The following SVIL variants were observed in gnomAD, a reference collection of about 807,000 sequenced individuals.
SVIL encodes the protein supervillin, also known as archvillin.
SVIL carries 101 observed loss-of-function variants against 240.4 expected under a neutral mutation model. That is an observed-to-expected ratio of 0.42 (90% confidence interval 0.36 to 0.50). SVIL has a LOEUF of 0.50. SVIL is among the 20% of genes least tolerant of loss of function. SVIL has a pLI of 0.01. For missense variants in SVIL, 2,512 were observed against 2,818.7 expected, an observed-to-expected ratio of 0.89 and a Z score of 2.46; for synonymous variants, 999 against 1,100.0, an observed-to-expected ratio of 0.91 and a Z score of 1.82.
At chr10:29,618,790 G>C (rs1314490835) in intron 1 of SVIL, among the ~76,000 whole-genome samples, 1 of 151,694 alleles carries the variant, frequency 6.6e-6, no homozygotes, top group Admixed American at 6.6e-5. Flanking sequence ...CGCAATCAGA[G>C]CTCACTGTAG....
chr10:29,588,080 C>CG (rs1390040142), intron 1 of SVIL, among the ~76,000 whole-genome samples: 2 of 151,808 alleles, frequency 1.3e-5, no homozygotes, highest in African/African-American at 4.8e-5. Context: ...CTTTTAGCCA[C>CG]GGGGCCCCTT....
chr10:29,673,338 C>G (rs1285919130), intron 2 of SVIL, among the ~76,000 whole-genome samples: 1 of 151,846 alleles, frequency 6.6e-6, no homozygotes, highest in East Asian at 1.9e-4. Context: ...ATATTCCAAG[C>G]TGAGTTTCAC....
In SVIL at chr10:29,511,671, T is replaced by C. The variant is rs989678196; in HGVS notation, c.3516+1064A>G. 3.4e-4 allele frequency among the ~76,000 whole-genome samples: 51 copies of C among 152,194 alleles called. 1 individual carries two copies. Among genetic ancestry groups the C allele is most frequent in the Non-Finnish European group, 8.8e-5 (6 of 68,048 alleles). ...TAAATATCTAGTTATATTTGAGAAT[T>C]TTACAAATGGCCAAGGCTTAAATGT... is the stretch of plus-strand genomic sequence containing the variant. On this transcript the variant is annotated intron_variant, in intron 17 of 37. Coordinates refer to ENST00000355867, the MANE Select transcript of SVIL (RefSeq NM_021738.3).
chr10:29,502,156 T>C (rs1417832570), intron 17 of SVIL, among the ~76,000 whole-genome samples: 3 of 152,232 alleles, frequency 2.0e-5, no homozygotes, highest in Non-Finnish European at 4.4e-5. Context: ...ATAGTAATAT[T>C]AAACATAAAT....
At chr10:29,625,787 T>C (rs1485051038) in intron 1 of SVIL, among the ~76,000 whole-genome samples, 1 of 152,150 alleles carries the variant, frequency 6.6e-6, no homozygotes, top group Non-Finnish European at 1.5e-5. Context: ...GAAATGCGTA[T>C]AAGCTTTATC....
chr10:29,505,787 A>G (rs1949230147), intron 17 of SVIL, among the ~76,000 whole-genome samples: 1 of 152,190 alleles, frequency 6.6e-6, no homozygotes, highest in Non-Finnish European at 1.5e-5. Context: ...GGGATGATGC[A>G]GGAACTCTGT....
intron 1 of SVIL, among the ~76,000 whole-genome samples, chr10:29,624,581 G>A (rs1320114108): frequency 2.0e-5 from 3 of 151,988 alleles, no homozygotes; most frequent in Non-Finnish European, 2.9e-5. Context: ...CATTTACAGT[G>A]CTCATTTGAA....
At chr10:29,617,939 T>C (rs930878569) in intron 1 of SVIL, among the ~76,000 whole-genome samples, 1 of 152,106 alleles carries the variant, frequency 6.6e-6, no homozygotes, top group Non-Finnish European at 1.5e-5. Context: ...GTTAAGAGGT[T>C]TTCAAGTCCT....
chr10:29,545,388 G>A (rs1421034916), intron 6 of SVIL, among the ~76,000 whole-genome samples: 1 of 152,078 alleles, frequency 6.6e-6, no homozygotes, highest in African/African-American at 2.4e-5. Context: ...TCCACCAATG[G>A]CAACTCTCCC....
In SVIL at chr10:29,609,844, C is replaced by G. The variant is rs918694957; in HGVS notation, c.-201+24576G>C. Among the ~76,000 whole-genome samples, 7 of 152,364 alleles carry G rather than the reference C, an allele frequency of 4.6e-5. No individual in the cohort carries two copies. The South Asian group carries it at 1.4e-3, about 32-fold the overall frequency. ...CTTGCTGCTCCATGCCTGGCTTGCC[C>G]TTGGCAGGCATGGGATCCAGGCTGG... is the stretch of plus-strand genomic sequence containing the variant. On this transcript the variant is annotated intron_variant, in intron 1 of 37. Transcript: ENST00000355867.
At position 29,685,673 on chromosome 10, in the gene SVIL, A is replaced by G. The variant is rs560589698; in HGVS notation, c.-301+880T>C. 3.1e-4 allele frequency among the ~76,000 whole-genome samples: 47 copies of G among 152,320 alleles called. 3 individuals are homozygous for G. The South Asian group carries it at 9.5e-3, about 31-fold the overall frequency. On this transcript the variant is annotated intron_variant, in intron 2 of 35. Transcript: ENST00000375400. ...ACTTGCATTTCTCTAATGATTAGTG[A>G]TGCTGAGCATTTTTTTACATGCTTG...
intron 21 of SVIL, among the ~76,000 whole-genome samples, chr10:29,492,747 G>A (rs572075916): frequency 6.6e-6 from 1 of 152,266 alleles, no homozygotes; most frequent in African/African-American, 2.4e-5. Context: ...TTTTATAAAT[G>A]ATTGGAAGCT....
intron 1 of SVIL, among the ~76,000 whole-genome samples, chr10:29,617,654 T>C (rs1179593787): frequency 2.0e-5 from 3 of 152,088 alleles, no homozygotes; most frequent in Non-Finnish European, 4.4e-5. Context: ...AGGATGCAGA[T>C]GTAAACTACT....
At chr10:29,497,669 AG>A (rs1948549752) in intron 18 of SVIL, among the ~76,000 whole-genome samples, 1 of 152,244 alleles carries the variant, frequency 6.6e-6, no homozygotes, top group Non-Finnish European at 1.5e-5. Flanking sequence ...CAGAGAAATC[AG>A]GTTTGATGGA....
chr10:29,732,169 A>G (rs1964660514), intron 1 of SVIL, among the ~76,000 whole-genome samples: 1 of 152,116 alleles, frequency 6.6e-6, no homozygotes, highest in South Asian at 2.1e-4. Flanking sequence ...TCATATCCAG[A>G]TGTAAAACCT....
At chr10:29,621,589 A>G (rs1957643383) in intron 1 of SVIL, among the ~76,000 whole-genome samples, 1 of 152,244 alleles carries the variant, frequency 6.6e-6, no homozygotes, top group South Asian at 2.1e-4. Context: ...CTCTTTCCTC[A>G]AAGTACAATC....
At chr10:29,664,628 C>T (rs762338695) in intron 2 of SVIL, among the ~76,000 whole-genome samples, 1 of 151,874 alleles carries the variant, frequency 6.6e-6, no homozygotes, top group Non-Finnish European at 1.5e-5. Flanking sequence ...GTCAAATCAA[C>T]AAAACCATCT....
chr10:29,494,323 A>T (rs1244052248), intron 20 of SVIL, among the ~76,000 whole-genome samples: 1 of 152,220 alleles, frequency 6.6e-6, no homozygotes, highest in African/African-American at 2.4e-5. Context: ...ATTATATTAC[A>T]CTTTTATATT....
In SVIL at chr10:29,693,087, C is replaced by T. The variant is rs150504741; in HGVS notation, c.-399-6436G>A. On this transcript the variant is annotated intron_variant, in intron 1 of 35. Coordinates refer to the SVIL transcript ENST00000375400. ...ATAAATGGGTTAATGGCAGGCACTC[C>T]GAGTGTTTTCCATATGTTAACTCAC... Among the ~76,000 whole-genome samples, 305 of 152,152 alleles carry T rather than the reference C, an allele frequency of 2.0e-3. 1 individual carries two copies. The highest frequency in any genetic ancestry group is 3.1e-3 in the Admixed American group (48 of 15,282).
Sources: allele counts gnomAD v4.1 joint callset (sites outside exome capture counted in the v4.1 genomes callset), GRCh38; gene constraint gnomAD v4.1.1; transcripts MANE v1.5; gene names NCBI Gene and HGNC (gene_info 2026-07-23, HGNC 2026-07-21).